The following CCSER1 variants were observed in gnomAD, a reference collection of about 807,000 sequenced individuals.
CCSER1 encodes the protein serine-rich coiled-coil domain-containing protein 1.
In CCSER1, 41 loss-of-function variants were observed where a neutral mutation model predicts 82.0. The ratio of observed to expected loss-of-function variants is 0.50; its 90% CI spans 0.39 to 0.65. The LOEUF is 0.65. CCSER1 is among the 30% of genes least tolerant of loss of function. CCSER1 has a pLI of 0.00. For missense variants in CCSER1, 1,119 were observed against 1,064.2 expected, an observed-to-expected ratio of 1.05 and a Z score of -0.72; for synonymous variants, 414 against 383.9, an observed-to-expected ratio of 1.08 and a Z score of -0.92.
At chr4:90,962,075 A>G (rs551863552) in intron 9 of CCSER1, among the ~76,000 whole-genome samples, 7 of 152,202 alleles carry the variant, frequency 4.6e-5, no homozygotes, top group African/African-American at 1.7e-4. Context: ...TTGAGAAAAT[A>G]TTTATCCCCA....
At chr4:91,579,355 T>C (rs999711370) in intron 10 of CCSER1, among the ~76,000 whole-genome samples, 11 of 151,536 alleles carry the variant, frequency 7.3e-5, no homozygotes, top group South Asian at 2.1e-4. Flanking sequence ...TTGTACCCAA[T>C]TGGTCATTTT....
intron 10 of CCSER1, among the ~76,000 whole-genome samples, chr4:91,164,978 C>T (rs542205342): frequency 1.2e-4 from 18 of 152,272 alleles, no homozygotes; most frequent in Admixed American, 3.3e-4. Context: ...CCATTGCTGG[C>T]GAGGAGCTGT....
rs575307072 is a variant in CCSER1, at chr4:90,287,825, GTATT to G, written c.-41-20415_-41-20412del. 1.1e-4 allele frequency among the ~76,000 whole-genome samples: 17 copies of G among 151,804 alleles called. No homozygotes were observed. The South Asian group carries it at 3.5e-3, about 32-fold the overall frequency. ...TATTTAATCTAATTTGAAACTTTAT[GTATT>G]TATGTTTCATTTTTCTATTCCATCC... On this transcript the variant is annotated intron_variant, in intron 1 of 10. Coordinates refer to ENST00000509176, the MANE Select transcript of CCSER1 (RefSeq NM_001145065.2).
In CCSER1 at chr4:90,716,259, C is replaced by T. The variant is rs1401301152; in HGVS notation, c.1933-7655C>T. Among the ~76,000 whole-genome samples, 7 of 151,718 alleles carry T rather than the reference C, an allele frequency of 4.6e-5. No homozygotes were observed. The East Asian group carries it at 1.4e-3, about 29-fold the overall frequency. On this transcript the variant is annotated intron_variant, in intron 6 of 10. Coordinates refer to ENST00000509176, the MANE Select transcript of CCSER1 (RefSeq NM_001145065.2). Reference sequence around the variant, plus strand: ...TATGTTGTACTTTTTGAATTTTGGACTATGTGAATATGTTATCCAAATTAA... The same window carrying T: ...TATGTTGTACTTTTTGAATTTTGGATTATGTGAATATGTTATCCAAATTAA...
At chr4:91,181,075 A>C (rs1733982481) in intron 10 of CCSER1, among the ~76,000 whole-genome samples, 1 of 152,220 alleles carries the variant, frequency 6.6e-6, no homozygotes, top group South Asian at 2.1e-4. Context: ...CCATAAACCC[A>C]CAGTCTTCCA....
At chr4:91,396,342 G>A (rs17018453) in intron 10 of CCSER1, among the ~76,000 whole-genome samples, 2 of 152,198 alleles carry the variant, frequency 1.3e-5, no homozygotes, top group African/African-American at 4.8e-5. Flanking sequence ...TGATAGGAAA[G>A]TTTTAAGTCT....
At chr4:90,838,287 C>T (rs995176769) in intron 8 of CCSER1, among the ~76,000 whole-genome samples, 3 of 151,018 alleles carry the variant, frequency 2.0e-5, no homozygotes, top group African/African-American at 7.3e-5. Context: ...ACCCTGGAAG[C>T]TTTCTTATTG....
At chr4:91,192,375 T>G (rs1008407460) in intron 10 of CCSER1, among the ~76,000 whole-genome samples, 1 of 152,218 alleles carries the variant, frequency 6.6e-6, no homozygotes, top group African/African-American at 2.4e-5. Context: ...TTTTTAAGTT[T>G]GATACCATGC....
At chr4:90,893,670 C>G (rs903668210) in intron 8 of CCSER1, among the ~76,000 whole-genome samples, 1 of 151,876 alleles carries the variant, frequency 6.6e-6, no homozygotes, top group African/African-American at 2.4e-5. Flanking sequence ...CTGTCTTTCT[C>G]TCCTTATTTT....
chr4:91,274,976 G>A (rs1742305142), intron 10 of CCSER1, among the ~76,000 whole-genome samples: 1 of 151,922 alleles, frequency 6.6e-6, no homozygotes, highest in African/African-American at 2.4e-5. Flanking sequence ...AGTGGTGGCA[G>A]GCGCTTGTAG....
intron 5 of CCSER1, among the ~76,000 whole-genome samples, chr4:90,573,942 C>T (rs948719414): frequency 6.6e-6 from 1 of 151,752 alleles, no homozygotes; most frequent in African/African-American, 2.4e-5. Context: ...AAAAATCTTT[C>T]TTTATAAGTA....
intron 9 of CCSER1, among the ~76,000 whole-genome samples, chr4:91,018,293 G>A (rs953951072): frequency 3.9e-5 from 6 of 152,028 alleles, no homozygotes. Flanking sequence ...TACCACTGAA[G>A]CTAGAAAGCC....
intron 7 of CCSER1, among the ~76,000 whole-genome samples, chr4:90,788,870 T>C (rs1312755949): frequency 6.6e-6 from 1 of 152,196 alleles, no homozygotes; most frequent in Non-Finnish European, 1.5e-5. Flanking sequence ...CTCTGCCTAG[T>C]TATGTACTGA....
intron 9 of CCSER1, among the ~76,000 whole-genome samples, chr4:91,019,335 T>C (rs903613913): frequency 1.3e-5 from 2 of 152,128 alleles, no homozygotes; most frequent in Non-Finnish European, 2.9e-5. Context: ...ATGGGTTCTA[T>C]GTAAAGCTAT....
chr4:90,266,146 C>T (rs997086030), intron 1 of CCSER1, among the ~76,000 whole-genome samples: 6 of 152,098 alleles, frequency 3.9e-5, no homozygotes, highest in African/African-American at 1.4e-4. Context: ...CTGACAGGAA[C>T]CACTATCATT....
chr4:90,798,580 C>T (rs1703628985), intron 7 of CCSER1, among the ~76,000 whole-genome samples: 1 of 152,288 alleles, frequency 6.6e-6, no homozygotes, highest in East Asian at 1.9e-4. Context: ...ACAGTTCTTG[C>T]ACTGATTCTA....
At chr4:91,548,416 GTT>G (rs1461176935) in intron 10 of CCSER1, among the ~76,000 whole-genome samples, 1 of 151,952 alleles carries the variant, frequency 6.6e-6, no homozygotes, top group Non-Finnish European at 1.5e-5. Context: ...TGCAAAATAA[GTT>G]TTTATTTTAC....
chr4:90,444,268 C>G (rs918117468), intron 4 of CCSER1, among the ~76,000 whole-genome samples: 2 of 151,984 alleles, frequency 1.3e-5, no homozygotes, highest in Non-Finnish European at 2.9e-5. Context: ...AGAGAGCATT[C>G]TTCATGCTTT....
chr4:91,588,761 C>G (rs1438602487), intron 10 of CCSER1, among the ~76,000 whole-genome samples: 2 of 151,698 alleles, frequency 1.3e-5, no homozygotes, highest in East Asian at 3.9e-4. Flanking sequence ...TGTGTATGTC[C>G]CCTGAATTTC....
Sources: allele counts gnomAD v4.1 joint callset (sites outside exome capture counted in the v4.1 genomes callset), GRCh38; gene constraint gnomAD v4.1.1; transcripts MANE v1.5; gene names NCBI Gene and HGNC (gene_info 2026-07-23, HGNC 2026-07-21).